Variants in CAPN15 observed in about 807,000 individuals in gnomAD.
CAPN15 encodes calpain 15.
A neutral mutation model predicts 97.9 loss-of-function variants in CAPN15; 53 were observed. The ratio of observed to expected loss-of-function variants is 0.54; its 90% CI spans 0.43 to 0.68. The LOEUF (loss-of-function observed/expected upper bound fraction) is 0.68. CAPN15 is among the 30% of genes least tolerant of loss of function. The pLI, the probability that CAPN15 is intolerant of heterozygous loss-of-function variation, is 0.00. For synonymous variants in CAPN15, 922 were observed against 722.5 expected (o/e 1.28, Z -4.43); for missense variants, 1,592 against 1,589.8 (o/e 1.00, Z -0.02).
intron 3 of CAPN15, 102 bp from the exon 4 acceptor site, chr16:546,715 C>T: frequency 7.1e-7 from 1 of 1,415,990 alleles, no homozygotes; most frequent in Non-Finnish European, 9.3e-7. Context: ...GGCCCCGTAG[C>T]TCTGCAGCCA....
chr16:547,099 C>A lies in CAPN15; in HGVS notation c.261C>A (p.Leu87=). The A allele has an allele frequency of 6.3e-7, 1 of 1,581,120 alleles. No homozygotes were observed. ...TCCTGCCAGTCCTCAACGGGGTCCT[C>A]CCCAAGCCACCCGCCATCCTGGGGG... ...AAFLPVLNGV[L]PKPPAILGEP... is the part of the protein sequence containing the mutation. The change falls in exon 4 of 14, where the codon CTC becomes CTA. Residue 87 remains leucine, a synonymous_variant. Coordinates refer to ENST00000219611, the MANE Select transcript of CAPN15 (RefSeq NM_005632.3).
In CAPN15 at chr16:553,863, G is replaced by T. The variant is rs1321571896; in HGVS notation, c.*347G>T. On this transcript the variant is annotated 3_prime_UTR_variant, in exon 14 of 14. Transcript: ENST00000219611. ...TCTCCTGCGGGCTAGGCAGCCAGGAGCTCTGTCCGCAAAACCAAATCTGGG... is the reference window on the plus strand; with the variant it reads ...TCTCCTGCGGGCTAGGCAGCCAGGATCTCTGTCCGCAAAACCAAATCTGGG... The T allele has an allele frequency of 2.6e-5, 6 of 234,488 alleles. No homozygotes were observed. Among genetic ancestry groups the T allele is most frequent in the Non-Finnish European group, 5.0e-5 (6 of 120,650 alleles). 14.5% of individuals were successfully genotyped at this position (234,488 alleles called of 1,614,324 possible).
chr16:552,145 G>A lies in CAPN15; in HGVS notation c.2440G>A (p.Gly814Arg), dbSNP rs771440557. The A allele has an allele frequency of 6.5e-7, 1 of 1,547,480 alleles. No individual in the cohort carries two copies. The change falls in exon 10 of 14, where the codon GGG becomes AGG. Residue 814 changes from glycine to arginine, a missense_variant. Coordinates refer to ENST00000219611, the MANE Select transcript of CAPN15 (RefSeq NM_005632.3). The surrounding 1 kb of genome is among the most constrained non-coding windows in gnomAD (Gnocchi z 6.4). ...CFPSSASAPV[G>R]VTALTVLERA... is the part of the protein sequence containing the mutation. ...TCCCAGCTCGGCCAGCGCGCCCGTG[G>A]GGGTAACAGCGCTCACGGTGCTGGA...
Position 536,018 on chromosome 16 carries a change from C to CGGG in CAPN15, c.-136-9_-136-8insGGG. ...GCCCCTGCACGCCCCCCCCCCCCCC[C>CGGG]GGTTATTCAGACAGGGAGCCAGGAT... On this transcript the variant is annotated splice_polypyrimidine_tract_variant and intron_variant, in intron 2 of 13. Coordinates refer to ENST00000219611, the MANE Select transcript of CAPN15 (RefSeq NM_005632.3). 1 of 109,054 alleles carries CGGG rather than the reference C, an allele frequency of 9.2e-6. No individual in the cohort carries two copies. Among genetic ancestry groups the CGGG allele is most frequent in the Non-Finnish European group, 1.5e-5 (1 of 66,514 alleles). 6.8% of individuals were successfully genotyped at this position (109,054 alleles called of 1,614,324 possible). A position where few individuals can be genotyped will look rare whatever the true frequency, so the allele number is the denominator to read the frequency against.
At position 553,000 on chromosome 16, in the gene CAPN15, C is replaced by T. The variant is rs369384692; in HGVS notation, c.3042C>T (p.Arg1014=). 52 of 1,609,558 alleles carry T rather than the reference C, an allele frequency of 3.2e-5. No homozygotes were observed. The highest frequency in any genetic ancestry group is 3.1e-4 in the African/African-American group (23 of 74,740). The change falls in exon 13 of 14, where the codon CGC becomes CGT. Residue 1014 remains arginine (R), a synonymous_variant. Coordinates refer to ENST00000219611, the MANE Select transcript of CAPN15 (RefSeq NM_005632.3). The surrounding 1 kb of genome is among the most constrained non-coding windows in gnomAD (Gnocchi z 6.4). The part of the protein sequence containing the change: ...CTDSFNVVST[R]GSLRTQDSVP... ...ACAGCTTCAACGTGGTGTCCACACG[C>T]GGCAGCCTGCGTACCCAGGATAGCG...
chr16:550,207 G>T (rs539931893), intron 7 of CAPN15, among the ~76,000 whole-genome samples: 1 of 152,226 alleles, frequency 6.6e-6, no homozygotes, highest in Admixed American at 6.5e-5. Context: ...TCTGGTCAGC[G>T]GGTCTGTGCC....
chr16:540,114 T>C, intron 3 of CAPN15: 2 of 985,464 alleles, frequency 2.0e-6, no homozygotes, highest in Non-Finnish European at 2.4e-6. Context: ...GTCTCTTCCC[T>C]CCATGCTCCG....
chr16:550,084 C>T (rs2034883130), intron 7 of CAPN15, among the ~76,000 whole-genome samples: 1 of 131,656 alleles, frequency 7.6e-6, no homozygotes, highest in South Asian at 2.1e-4. Context: ...CCGATGCCGT[C>T]ACCCCGGAGC....
intron 2 of CAPN15, 136 bp downstream of exon 2, chr16:534,134 C>T (rs1007730943): frequency 2.5e-4 from 31 of 124,972 alleles, no homozygotes; most frequent in East Asian, 2.4e-3. Flanking sequence ...CCCTGGAGGC[C>T]GGCAGCCCTG....
chr16:550,733 C>CTGTCGGTGAGGGCCCCG (rs145905062), intron 7 of CAPN15, among the ~76,000 whole-genome samples: 4 of 9,382 alleles, frequency 4.3e-4, no homozygotes, highest in Non-Finnish European at 6.5e-4. Context: ...TGAGGGTCCC[C>CTGTCGGTGAGGGCCCCG]GTCGGTGAGG....
chr16:543,530 T>G (rs2142011372), intron 3 of CAPN15, among the ~76,000 whole-genome samples: 1 of 152,292 alleles, frequency 6.6e-6, no homozygotes, highest in African/African-American at 2.4e-5. Context: ...GCCTCCTGCC[T>G]GGCCCTCCCC....
At chr16:533,089 C>T (rs3785306) in intron 1 of CAPN15, among the ~76,000 whole-genome samples, 6,040 of 151,940 alleles carry the variant, frequency 0.04, 431 homozygotes, top group East Asian at 0.35. Flanking sequence ...GGCACGGTGG[C>T]GGGCGCCTGT....
In CAPN15 at chr16:531,658, CT is replaced by C. The variant is rs1254361670; in HGVS notation, c.-189-2287del. Among the ~76,000 whole-genome samples, 1,168 of 148,168 alleles carry C rather than the reference CT, an allele frequency of 7.9e-3. 21 individuals are homozygous for C. Among genetic ancestry groups the C allele is most frequent in the African/African-American group, 0.027 (1,071 of 39,162 alleles). Reference sequence around the variant, plus strand: ...CCCAGGGCCACACGGCTCCCAAGGCCTCCGTCTCCCTCTCTGGGGTGACAGG... The same window carrying C: ...CCCAGGGCCACACGGCTCCCAAGGCCCCGTCTCCCTCTCTGGGGTGACAGG... On this transcript the variant is annotated intron_variant, in intron 1 of 13. Transcript: ENST00000219611.
In CAPN15 at chr16:549,622, G is replaced by A. The variant is rs1567155118; in HGVS notation, c.1850G>A (p.Arg617Gln). 7.8e-6 allele frequency: 12 copies of A among 1,544,192 alleles called. No homozygotes were observed. The highest frequency in any genetic ancestry group is 9.6e-6 in the Non-Finnish European group (11 of 1,149,432). Residue 617 changes from arginine (R) to glutamine (Q), a missense_variant, in exon 7 of 14, where the codon CGG becomes CAG. Arg to Gln is a conservative substitution (Grantham distance 43). This residue lies in a region of CAPN15 where 644 missense variants were observed against 699.6 expected (regional missense o/e 0.92). Coordinates refer to ENST00000219611, the MANE Select transcript of CAPN15 (RefSeq NM_005632.3). ...TGACCCGGCCCTCTGCAGGCGCAGC[G>A]GAAGCAGCTGTGGGTGGCCCTCATC... The part of the protein sequence containing the change: ...AGCLLFSQAQ[R>Q]KQLWVALIEK...
intron 3 of CAPN15, among the ~76,000 whole-genome samples, chr16:543,108 G>A (rs139914246): frequency 0.01 from 1,586 of 152,112 alleles, 26 homozygotes; most frequent in African/African-American, 0.035. Context: ...AGCTGCGATC[G>A]TGCCACCGCA....
intron 1 of CAPN15, chr16:528,748 G>A (rs1228984629): frequency 2.0e-6 from 2 of 985,328 alleles, no homozygotes; most frequent in Non-Finnish European, 2.4e-6. Context: ...GCAATGGTGA[G>A]GCCCAGAACC....
chr16:546,042 T>C (rs546727125), intron 3 of CAPN15, among the ~76,000 whole-genome samples: 46 of 152,310 alleles, frequency 3.0e-4, no homozygotes, highest in African/African-American at 1.1e-3. Flanking sequence ...CTTGGGTCTC[T>C]CTGCTCCAGC....
chr16:532,881 C>T (rs1447665520), intron 1 of CAPN15, among the ~76,000 whole-genome samples: 11 of 149,812 alleles, frequency 7.3e-5, no homozygotes, highest in Admixed American at 4.0e-4. Flanking sequence ...CAGGTGATGC[C>T]TGTGCCACTG....
chr16:537,052 G>C (rs1038313371), intron 3 of CAPN15: 1 of 741,052 alleles, frequency 1.3e-6, no homozygotes, highest in African/African-American at 1.9e-5. Context: ...ATCCCCTGGC[G>C]TGTGCTGGAA....
Sources: gnomAD v4.1 joint callset for allele counts (sites outside exome capture counted in the v4.1 genomes callset) on GRCh38, gnomAD v4.1.1 for gene constraint, gnomAD v4.1.1 regional missense constraint, Gnocchi (gnomAD v3.1) non-coding constraint, MANE v1.5 for transcripts, NCBI Gene and HGNC (gene_info 2026-07-23, HGNC 2026-07-21) for gene names.